The following UBE2J2 variants were observed in gnomAD, a reference collection of about 807,000 sequenced individuals.
UBE2J2 encodes the protein ubiquitin conjugating enzyme E2 J2.
UBE2J2 carries 5 observed loss-of-function variants against 28.6 expected under a neutral mutation model. The observed-to-expected ratio is 0.17, with a 90% CI of 0.09 to 0.37. The LOEUF (loss-of-function observed/expected upper bound fraction) is 0.37, where lower values mean the gene tolerates loss of function less well. Ranked by LOEUF, UBE2J2 falls within the 10% of genes least tolerant of loss-of-function variation. The pLI, the probability that UBE2J2 is intolerant of heterozygous loss-of-function variation, is 1.00. For missense variants in UBE2J2, 226 were observed against 338.9 expected, an observed-to-expected ratio of 0.67 and a Z score of 2.62; for synonymous variants, 138 against 139.7, an observed-to-expected ratio of 0.99 and a Z score of 0.09.
chr1:1,264,098 G>A (rs903327660), intron 2 of UBE2J2, among the ~76,000 whole-genome samples: 4 of 152,086 alleles, frequency 2.6e-5, no homozygotes, highest in African/African-American at 4.8e-5. Flanking sequence ...CTAGTGATGC[G>A]GGGCCGGCTC....
chr1:1,257,085 C>T lies in UBE2J2; in HGVS notation c.321G>A (p.Pro107=), dbSNP rs1639228328. ...ITDFHPDTWN[P]AWSVSTILTG... is the part of the protein sequence containing the mutation. Reference sequence around the variant, plus strand: ...TCAGGATGGTGGAGACAGACCAGGCCGGGTTCCACGTGTCCGGGTGGAAAT... The same window carrying T: ...TCAGGATGGTGGAGACAGACCAGGCTGGGTTCCACGTGTCCGGGTGGAAAT... Residue 107 remains proline (P), a synonymous_variant, in exon 5 of 7, where the codon CCG becomes CCA. Coordinates refer to ENST00000349431, the MANE Select transcript of UBE2J2 (RefSeq NM_058167.3). 4 of 1,613,096 alleles carry T rather than the reference C, an allele frequency of 2.5e-6. No homozygotes were observed. The highest frequency in any genetic ancestry group is 2.2e-5 in the South Asian group (2 of 91,038).
intron 1 of UBE2J2, 50 bp downstream of exon 1, chr1:1,273,616 G>C (rs868801032): frequency 4.0e-5 from 6 of 151,618 alleles, no homozygotes; most frequent in Admixed American, 1.3e-4. Context: ...GCTCCGGCAG[G>C]GGGGACGAGC....
chr1:1,263,490 C>A, intron 2 of UBE2J2, 104 bp from the exon 3 acceptor site: 1 of 973,218 alleles, frequency 1.0e-6, no homozygotes, highest in South Asian at 1.3e-5. Context: ...AAATTACATT[C>A]ACATTCAGGC....
intron 2 of UBE2J2, among the ~76,000 whole-genome samples, chr1:1,264,268 A>T (rs1042641994): frequency 3.9e-5 from 6 of 152,016 alleles, no homozygotes; most frequent in Non-Finnish European, 7.4e-5. Flanking sequence ...TCGACTAAAC[A>T]CTCCTCCACA....
intron 3 of UBE2J2, chr1:1,262,182 A>G: frequency 2.7e-6 from 1 of 372,572 alleles, no homozygotes; most frequent in Non-Finnish European, 5.4e-6. Context: ...GGTGGTATAT[A>G]TTCTTCAGAT....
At chr1:1,271,735 G>T (rs1319608323) in intron 1 of UBE2J2, 1 of 152,166 alleles carries the variant, frequency 6.6e-6, no homozygotes, top group African/African-American at 2.4e-5. Context: ...AACACTTTGG[G>T]AGGCCCAGGC....
Position 1,254,914 on chromosome 1 carries a change from G to A in UBE2J2, c.*289C>T, listed in dbSNP as rs542069101. On this transcript the variant is annotated 3_prime_UTR_variant, in exon 7 of 7. Coordinates refer to ENST00000349431, the MANE Select transcript of UBE2J2 (RefSeq NM_058167.3). ...GACCACATCTAATAAAATGAAAAAC[G>A]GGTTTACTAAAACAGGTCCAAAGAC... The A allele has an allele frequency of 3.9e-5, 13 of 335,524 alleles. No individual in the cohort carries two copies. Among genetic ancestry groups the A allele is most frequent in the East Asian group, 3.2e-4 (7 of 21,808 alleles). 20.8% of individuals were successfully genotyped at this position (335,524 alleles called of 1,614,324 possible). A position where few individuals can be genotyped will look rare whatever the true frequency, so the allele number is the denominator to read the frequency against.
At chr1:1,259,550 C>T (rs768385312) in intron 3 of UBE2J2, among the ~76,000 whole-genome samples, 71 of 152,296 alleles carry the variant, frequency 4.7e-4, no homozygotes, top group Non-Finnish European at 7.6e-4. Context: ...CTTGCAGGAA[C>T]GCTCATCATC....
In UBE2J2 at chr1:1,257,243, C is replaced by G. The variant is rs767979749; in HGVS notation, c.240G>C (p.Met80Ile). Residue 80 changes from methionine (M) to isoleucine (I), a missense_variant, in exon 4 of 7, where the codon ATG becomes ATC. Met to Ile is a conservative substitution (Grantham distance 10). Around this residue, in one of 3 missense-constraint regions of UBE2J2, gnomAD observed 80 missense variants for 114.5 expected, o/e 0.70. Transcript: ENST00000349431. ...EFPFKPPSIY[M>I]ITPNGRFKCN... ...ACTTAAACCTCCCGTTGGGAGTGAT[C>G]ATATAGATACTGGGAGGTTTGAAAG... is the stretch of plus-strand genomic sequence containing the variant. 6.2e-7 allele frequency: 1 copy of G among 1,613,180 alleles called. No individual in the cohort carries two copies. Among genetic ancestry groups the G allele is most frequent in the Admixed American group, 1.7e-5 (1 of 59,922 alleles).
intron 2 of UBE2J2, among the ~76,000 whole-genome samples, chr1:1,266,665 C>T (rs1457917661): frequency 7.3e-5 from 11 of 151,046 alleles, no homozygotes; most frequent in East Asian, 6.0e-4. Context: ...ACTAAAAATA[C>T]AAAAACAAAA....
At chr1:1,259,736 G>A in intron 3 of UBE2J2, among the ~76,000 whole-genome samples, 1 of 151,880 alleles carries the variant, frequency 6.6e-6, no homozygotes, top group East Asian at 1.9e-4. Context: ...CGGACCCCAC[G>A]CCCCACATGG....
chr1:1,265,054 C>T (rs1333952095), intron 2 of UBE2J2, among the ~76,000 whole-genome samples: 1 of 152,190 alleles, frequency 6.6e-6, no homozygotes, highest in Non-Finnish European at 1.5e-5. Context: ...ACGCGATGCA[C>T]CCAGGAATGT....
rs888589014 is a variant in UBE2J2 at position 1,268,146 on chromosome 1, C to T, written c.1-154G>A. ...TCACAGGTCACCCTCGCTTGCCACC[C>T]GCCCAGACACCCAGAGGCCCTGCGG... On this transcript the variant is annotated intron_variant, in intron 1 of 6. Transcript: ENST00000349431. This position sits in a 1 kb window ranked among gnomAD's most constrained non-coding sequence, Gnocchi z 4.7. Among the ~76,000 whole-genome samples, 2 of 152,134 alleles carry T rather than the reference C, an allele frequency of 1.3e-5. No individual in the cohort carries two copies. The highest frequency in any genetic ancestry group is 2.9e-5 in the Non-Finnish European group (2 of 68,024).
At chr1:1,266,282 A>C (rs1034598446) in intron 2 of UBE2J2, 5 of 863,308 alleles carry the variant, frequency 5.8e-6, no homozygotes, top group Middle Eastern at 2.9e-4. Context: ...TCACTGAAAT[A>C]TCTTTTCTCT....
At position 1,257,404 on chromosome 1, in the gene UBE2J2, C is replaced by T. The variant is rs1283046897; in HGVS notation, c.173-94G>A. 1.8e-5 allele frequency: 11 copies of T among 606,952 alleles called. 1 individual carries two copies. Among genetic ancestry groups the T allele is most frequent in the Non-Finnish European group, 2.0e-5 (8 of 393,186 alleles). The allele number at this position is 606,952 out of a possible 1,614,324, so 37.6% of individuals were successfully genotyped here. On this transcript the variant is annotated intron_variant, in intron 3 of 6. Transcript: ENST00000349431. ...CATCCCCCCACGCCACCCCCCCCCC[C>T]CCCCTCAGCTCGGCTCCCGAGTCCT...
At chr1:1,266,592 C>T (rs987001315) in intron 2 of UBE2J2, among the ~76,000 whole-genome samples, 4 of 152,168 alleles carry the variant, frequency 2.6e-5, no homozygotes, top group East Asian at 2.0e-4. Flanking sequence ...GAGGCCAAGG[C>T]GGGCGGATCA....
chr1:1,263,482 A>C, intron 2 of UBE2J2, 96 bp from the exon 3 acceptor site: 1 of 1,069,030 alleles, frequency 9.4e-7, no homozygotes. Context: ...CCCAGCCAAA[A>C]TTACATTCAC....
chr1:1,273,004 G>C (rs760851130), intron 1 of UBE2J2: 1 of 152,498 alleles, frequency 6.6e-6, no homozygotes. Flanking sequence ...TCCTATCTGG[G>C]TCTGGCAAGA....
chr1:1,262,322 G>C (rs767389848), intron 3 of UBE2J2: 11 of 456,206 alleles, frequency 2.4e-5, no homozygotes, highest in African/African-American at 1.8e-4. Context: ...CGATGATGGA[G>C]GGCCCACCCT....
Sources: allele counts gnomAD v4.1 joint callset (sites outside exome capture counted in the v4.1 genomes callset), GRCh38; gene constraint gnomAD v4.1.1; regional missense constraint gnomAD v4.1.1; non-coding constraint Gnocchi (gnomAD v3.1); transcripts MANE v1.5; gene names NCBI Gene and HGNC (gene_info 2026-07-23, HGNC 2026-07-21).